ATP1A3: variants seen among roughly 807,000 people sequenced by gnomAD.
ATP1A3 encodes sodium/potassium-transporting ATPase subunit alpha-3.
Under a neutral mutation model 108.8 loss-of-function variants are expected in ATP1A3, and 12 were observed. The observed-to-expected ratio is 0.11, with a 90% CI of 0.07 to 0.18. The LOEUF (loss-of-function observed/expected upper bound fraction) is 0.18, where lower values mean the gene tolerates loss of function less well. ATP1A3 is among the 10% of genes least tolerant of loss of function. The pLI is 1.00. For synonymous variants in ATP1A3, 539 were observed against 564.5 expected (o/e 0.95, Z 0.64); for missense variants, 498 against 1,387.7 (o/e 0.36, Z 10.19).
chr19:41,967,551 A>T lies in ATP1A3; in HGVS notation c.2921+111T>A. 1 of 1,231,706 alleles carries T rather than the reference A, an allele frequency of 8.1e-7. No individual in the cohort carries two copies. Among genetic ancestry groups the T allele is most frequent in the Non-Finnish European group, 1.2e-6 (1 of 864,388 alleles). The allele number at this position is 1,231,706 out of a possible 1,614,324, so 76.3% of individuals were successfully genotyped here. On this transcript the variant is annotated intron_variant, in intron 21 of 22. Coordinates refer to ENST00000648268, the MANE Select transcript of ATP1A3 (RefSeq NM_152296.5). This position sits in a 1 kb window ranked among gnomAD's most constrained non-coding sequence, Gnocchi z 4.2. ...GAGGCTCGGGGGCATCAGAATGGGG[A>T]CTGCAGTGGGGACACCAGGGGAGGT...
chr19:41,969,223 G>A (rs2075076038), intron 19 of ATP1A3, among the ~76,000 whole-genome samples: 2 of 152,184 alleles, frequency 1.3e-5, no homozygotes, highest in Admixed American at 6.5e-5. Context: ...TGGGGAAGAA[G>A]GCCTGGCAGG....
At chr19:41,990,551 A>G (rs1385423737) in intron 1 of ATP1A3, among the ~76,000 whole-genome samples, 8 of 128,698 alleles carry the variant, frequency 6.2e-5, no homozygotes, top group Non-Finnish European at 9.6e-5. Flanking sequence ...TTCCCCATAT[A>G]TCTCTCATTC....
At chr19:41,975,241 C>T (rs1009845787) in intron 16 of ATP1A3, among the ~76,000 whole-genome samples, 4 of 152,114 alleles carry the variant, frequency 2.6e-5, no homozygotes, top group African/African-American at 4.8e-5. Context: ...TTAGTAGAGA[C>T]GGGGTTTCAC....
intron 1 of ATP1A3, 167 bp downstream of exon 1, chr19:41,993,904 C>G (rs1390853556): frequency 7.6e-7 from 1 of 1,310,004 alleles, no homozygotes; most frequent in South Asian, 1.4e-5. Flanking sequence ...CCGCCGCCCC[C>G]TGCGGCCCCA....
chr19:41,970,690 G>T, intron 16 of ATP1A3, 148 bp from the exon 17 acceptor site: 1 of 993,182 alleles, frequency 1.0e-6, no homozygotes, highest in South Asian at 1.7e-5. Context: ...GGAGTGCAGT[G>T]GTGCGATCTC....
chr19:41,975,500 G>A lies in ATP1A3; in HGVS notation c.2263+129C>T, dbSNP rs184436893. 347 of 1,369,664 alleles carry A rather than the reference G, an allele frequency of 2.5e-4. 2 individuals are homozygous for A. In the African/African-American group the frequency reaches 4.1e-3, roughly 16 times the overall value. The allele number at this position is 1,369,664 out of a possible 1,614,324, so 84.8% of individuals were successfully genotyped here. A position where few individuals can be genotyped will look rare whatever the true frequency, so the allele number is the denominator to read the frequency against. On this transcript the variant is annotated intron_variant, in intron 16 of 22. Coordinates refer to ENST00000648268, the MANE Select transcript of ATP1A3 (RefSeq NM_152296.5). Reference sequence around the variant, plus strand: ...AGGAAGACAGAAAAGGACAGGCTCAGGCTCCTCCAGGGCCAGGGGGCCTGT... The same window carrying A: ...AGGAAGACAGAAAAGGACAGGCTCAAGCTCCTCCAGGGCCAGGGGGCCTGT...
At chr19:41,975,176 C>T (rs565256876) in intron 16 of ATP1A3, among the ~76,000 whole-genome samples, 2 of 152,262 alleles carry the variant, frequency 1.3e-5, no homozygotes, top group East Asian at 1.9e-4. Flanking sequence ...CTCAGCCTCC[C>T]GAGTAGCTGG....
intron 15 of ATP1A3, 39 bp from the exon 16 acceptor site, chr19:41,975,836 G>A (rs781817258): frequency 1.9e-6 from 3 of 1,608,488 alleles, no homozygotes; most frequent in Non-Finnish European, 2.6e-6. Context: ...CCAGAGGCCA[G>A]TCCCCAGAGT....
chr19:41,967,578 G>A lies in ATP1A3; in HGVS notation c.2921+84C>T. ...TGCAGTGGGGACACCAGGGGAGGTGGGGCCTGAGGTTCAGGCTGAGTCTAA... is the reference window on the plus strand; with the variant it reads ...TGCAGTGGGGACACCAGGGGAGGTGAGGCCTGAGGTTCAGGCTGAGTCTAA... On this transcript the variant is annotated intron_variant, in intron 21 of 22. Transcript: ENST00000648268. This position sits in a 1 kb window ranked among gnomAD's most constrained non-coding sequence, Gnocchi z 4.2. 1 of 1,420,208 alleles carries A rather than the reference G, an allele frequency of 7.0e-7. No homozygotes were observed. Among genetic ancestry groups the A allele is most frequent in the East Asian group, 2.4e-5 (1 of 42,082 alleles). The allele number at this position is 1,420,208 out of a possible 1,614,324, so 88.0% of individuals were successfully genotyped here. A position where few individuals can be genotyped will look rare whatever the true frequency, so the allele number is the denominator to read the frequency against.
Position 41,981,150 on chromosome 19 carries a change from C to T in ATP1A3, c.1437+352G>A, listed in dbSNP as rs2145970843. 6.6e-6 allele frequency among the ~76,000 whole-genome samples: 1 copy of T among 151,730 alleles called. No homozygotes were observed. Among genetic ancestry groups the T allele is most frequent in the Non-Finnish European group, 1.5e-5 (1 of 67,944 alleles). On this transcript the variant is annotated intron_variant, in intron 11 of 22. Coordinates refer to ENST00000648268, the MANE Select transcript of ATP1A3 (RefSeq NM_152296.5). The surrounding 1 kb of genome is among the most constrained non-coding windows in gnomAD (Gnocchi z 5.0). ...TCGCTGAGACCACAGGCACATACCA[C>T]CACACCTGGCTAATTAAAAAAAAAA... is the stretch of plus-strand genomic sequence containing the variant.
intron 1 of ATP1A3, among the ~76,000 whole-genome samples, chr19:41,991,323 G>T (rs1474524511): frequency 2.0e-5 from 3 of 152,042 alleles, no homozygotes; most frequent in African/African-American, 7.2e-5. Context: ...AGGGGCAGCA[G>T]CCTGGAGATC....
intron 16 of ATP1A3, among the ~76,000 whole-genome samples, chr19:41,972,354 C>T (rs1478747741): frequency 6.6e-6 from 1 of 150,890 alleles, no homozygotes; most frequent in Non-Finnish European, 1.5e-5. Context: ...TTGAGGAGGT[C>T]GAGGTTGCAG....
chr19:41,975,054 ATT>A (rs879966768), intron 16 of ATP1A3, among the ~76,000 whole-genome samples: 5 of 144,962 alleles, frequency 3.4e-5, no homozygotes, highest in African/African-American at 2.5e-5. Flanking sequence ...GGGCTTGAGA[ATT>A]TTTTTTTTTT....
At chr19:41,993,609 C>T (rs2075361023) in intron 1 of ATP1A3, 1 of 911,026 alleles carries the variant, frequency 1.1e-6, no homozygotes, top group African/African-American at 1.7e-5. Context: ...GTGTCCATCC[C>T]ACAACGTGGA....
In ATP1A3 at chr19:41,967,425, C is replaced by A; in HGVS notation, c.2922-85G>T. On this transcript the variant is annotated intron_variant, in intron 21 of 22. Coordinates refer to ENST00000648268, the MANE Select transcript of ATP1A3 (RefSeq NM_152296.5). This position sits in a 1 kb window ranked among gnomAD's most constrained non-coding sequence, Gnocchi z 4.2. ...GGGGACTGGAGGGGACGCAGAGGGG[C>A]AGTCTCCCAGGATCCTTCGTGCTCA... 1 of 1,454,932 alleles carries A rather than the reference C, an allele frequency of 6.9e-7. No homozygotes were observed. The highest frequency in any genetic ancestry group is 9.4e-7 in the Non-Finnish European group (1 of 1,063,866). The allele number at this position is 1,454,932 out of a possible 1,614,324, so 90.1% of individuals were successfully genotyped here. A position where few individuals can be genotyped will look rare whatever the true frequency, so the allele number is the denominator to read the frequency against.
At chr19:41,970,575 A>G (rs1555859624) in intron 16 of ATP1A3, 33 bp from the exon 17 acceptor site, 43 of 1,603,098 alleles carry the variant, frequency 2.7e-5, no homozygotes, top group Non-Finnish European at 3.5e-5. Flanking sequence ...GCAGGCGCCC[A>G]TGCCAGGGAG....
intron 1 of ATP1A3, 156 bp downstream of exon 1, chr19:41,993,915 C>T: frequency 7.1e-7 from 1 of 1,403,554 alleles, no homozygotes; most frequent in Non-Finnish European, 9.7e-7. Context: ...TGCGGCCCCA[C>T]GACCACATGG....
Position 41,967,866 on chromosome 19 carries a change from A to G in ATP1A3, c.2820-103T>C. The G allele has an allele frequency of 1.0e-6, 1 of 958,988 alleles. No individual in the cohort carries two copies. The highest frequency in any genetic ancestry group is 2.0e-5 in the Admixed American group (1 of 50,586). 59.4% of individuals were successfully genotyped at this position (958,988 alleles called of 1,614,324 possible). A position where few individuals can be genotyped will look rare whatever the true frequency, so the allele number is the denominator to read the frequency against. On this transcript the variant is annotated intron_variant, in intron 20 of 22. Transcript: ENST00000648268. This position sits in a 1 kb window ranked among gnomAD's most constrained non-coding sequence, Gnocchi z 4.2. ...CACAGTGCAGACACCCAGAGACAGCAGCACAGACACAGAGACAGAGAGGCA... is the reference window on the plus strand; with the variant it reads ...CACAGTGCAGACACCCAGAGACAGCGGCACAGACACAGAGACAGAGAGGCA...
At chr19:41,986,753 T>TA (rs1555865623) in intron 4 of ATP1A3, 2 of 167,978 alleles carry the variant, frequency 1.2e-5, no homozygotes, top group African/African-American at 4.9e-5. Flanking sequence ...TTTTTTTTTT[T>TA]TTTTTTTGAG....
Sources: gnomAD v4.1 joint callset for allele counts (sites outside exome capture counted in the v4.1 genomes callset) on GRCh38, gnomAD v4.1.1 for gene constraint, Gnocchi (gnomAD v3.1) non-coding constraint, MANE v1.5 for transcripts, NCBI Gene and HGNC (gene_info 2026-07-23, HGNC 2026-07-21) for gene names.